The following GSDMC variants were observed in gnomAD, a reference collection of about 807,000 sequenced individuals.
GSDMC encodes gasdermin C.
In GSDMC, 59 loss-of-function variants were observed where a neutral mutation model predicts 58.0. The ratio of observed to expected loss-of-function variants is 1.02; its 90% CI spans 0.82 to 1.26. The LOEUF is 1.26. GSDMC is among the 50% of genes most tolerant of loss of function. The pLI is 0.00. For missense variants in GSDMC, 659 were observed against 598.5 expected (o/e 1.10, Z -1.06); for synonymous variants, 241 against 220.2 (o/e 1.09, Z -0.83).
downstream of GSDMC, among the ~76,000 whole-genome samples, chr8:129,744,638 C>A (rs140156444): frequency 2.6e-3 from 390 of 152,302 alleles, 2 homozygotes; most frequent in African/African-American, 9.0e-3. Flanking sequence ...CTTAGTCTTC[C>A]TCCAACTCAA....
the GSDMC span, among the ~76,000 whole-genome samples, chr8:129,740,560 T>G: frequency 6.6e-6 from 1 of 152,212 alleles, no homozygotes; most frequent in African/African-American, 2.4e-5. Flanking sequence ...CTGTACAGGT[T>G]TATAGCCTTT....
chr8:129,742,016 T>A, the GSDMC span, among the ~76,000 whole-genome samples: 1 of 150,854 alleles, frequency 6.6e-6, no homozygotes, highest in African/African-American at 2.5e-5. Context: ...GAGGACATAA[T>A]GCTAAGTGAA....
chr8:129,733,845 GA>G, the GSDMC span, among the ~76,000 whole-genome samples: 3 of 152,184 alleles, frequency 2.0e-5, no homozygotes, highest in Admixed American at 2.0e-4. Context: ...GACAGAAGTA[GA>G]CTTCACAAGG....
At chr8:129,709,173 CTT>C in the GSDMC span, among the ~76,000 whole-genome samples, 50 of 147,826 alleles carry the variant, frequency 3.4e-4, no homozygotes, top group African/African-American at 8.8e-4. Flanking sequence ...ATTCCCCCTT[CTT>C]TTTTTTTTTT....
At chr8:129,728,982 C>T in the GSDMC span, 21 of 667,704 alleles carry the variant, frequency 3.1e-5, 1 homozygote, top group African/African-American at 1.2e-4. Flanking sequence ...GCAGGAGCTG[C>T]GGGAGACCAA....
chr8:129,749,878 G>C (rs1206708250), intron 12 of GSDMC, 112 bp downstream of exon 12: 2 of 834,328 alleles, frequency 2.4e-6, no homozygotes, highest in Non-Finnish European at 3.8e-6. Flanking sequence ...ATGTAAGGAC[G>C]AAAGATCATG....
chr8:129,728,636 A>C, the GSDMC span: 1 of 266,850 alleles, frequency 3.7e-6, no homozygotes, highest in Non-Finnish European at 7.4e-6. Context: ...TGTCTAGGGC[A>C]ACACAGAGCT....
At chr8:129,742,520 G>A in the GSDMC span, among the ~76,000 whole-genome samples, 1 of 152,020 alleles carries the variant, frequency 6.6e-6, no homozygotes, top group Non-Finnish European at 1.5e-5. Flanking sequence ...AGGTCTCTAG[G>A]GTTTTCTCTC....
chr8:129,710,009 G>A, the GSDMC span, among the ~76,000 whole-genome samples: 8 of 152,330 alleles, frequency 5.3e-5, no homozygotes, highest in African/African-American at 1.7e-4. Flanking sequence ...CTGGGTACCA[G>A]CATTTAGCAT....
At chr8:129,746,505 T>C (rs2032964917), downstream of GSDMC, among the ~76,000 whole-genome samples, 1 of 152,092 alleles carries the variant, frequency 6.6e-6, no homozygotes, top group South Asian at 2.1e-4. Flanking sequence ...ACCTAACAAA[T>C]AGAATATAAA....
At chr8:129,783,113 A>G (rs975906289) in intron 1 of GSDMC, among the ~76,000 whole-genome samples, 1 of 152,168 alleles carries the variant, frequency 6.6e-6, no homozygotes, top group Non-Finnish European at 1.5e-5. Context: ...AAACCACGTG[A>G]TCATTTCCAT....
the GSDMC span, among the ~76,000 whole-genome samples, chr8:129,717,250 C>CT: frequency 0.16 from 18,860 of 114,422 alleles, 2,189 homozygotes; most frequent in Non-Finnish European, 0.23. Flanking sequence ...TGGTCCTGGG[C>CT]TTTTTTTTTT....
At chr8:129,753,650 A>G (rs1024335426) in intron 6 of GSDMC, among the ~76,000 whole-genome samples, 1 of 152,244 alleles carries the variant, frequency 6.6e-6, no homozygotes, top group Non-Finnish European at 1.5e-5. Flanking sequence ...CTTGCATCTT[A>G]GGTACCAGTT....
the GSDMC span, among the ~76,000 whole-genome samples, chr8:129,715,256 G>A: frequency 6.6e-6 from 1 of 152,030 alleles, no homozygotes; most frequent in Non-Finnish European, 1.5e-5. Flanking sequence ...ATCAGTCCTA[G>A]ACTAAACACT....
chr8:129,782,064 A>G (rs137921348), intron 1 of GSDMC, among the ~76,000 whole-genome samples: 2,169 of 152,300 alleles, frequency 0.014, 59 homozygotes, highest in African/African-American at 0.049. Flanking sequence ...TAACGAGAGC[A>G]ATTTTAGAAA....
chr8:129,784,659 T>C (rs2034506920), intron 1 of GSDMC, among the ~76,000 whole-genome samples: 1 of 152,316 alleles, frequency 6.6e-6, no homozygotes, highest in South Asian at 2.1e-4. Context: ...TGTAAATTAG[T>C]ACAGCCACTA....
At chr8:129,753,289 G>A (rs1600794) in intron 6 of GSDMC, among the ~76,000 whole-genome samples, 6 of 152,184 alleles carry the variant, frequency 3.9e-5, no homozygotes, top group East Asian at 1.9e-4. Context: ...ATTCTGTCCC[G>A]CATCGTGGAT....
chr8:129,711,786 C>G, the GSDMC span, among the ~76,000 whole-genome samples: 1 of 152,198 alleles, frequency 6.6e-6, no homozygotes, highest in Non-Finnish European at 1.5e-5. Flanking sequence ...AGTCCTCATA[C>G]TACCATTTGA....
chr8:129,730,103 T>C, the GSDMC span: 7 of 975,752 alleles, frequency 7.2e-6, no homozygotes, highest in East Asian at 1.6e-4. Flanking sequence ...CTTGTAACAC[T>C]ATTCAGGTGT....
Sources: gnomAD v4.1 joint callset for allele counts (sites outside exome capture counted in the v4.1 genomes callset) on GRCh38, gnomAD v4.1.1 for gene constraint, MANE v1.5 for transcripts, NCBI Gene and HGNC (gene_info 2026-07-23, HGNC 2026-07-21) for gene names.